Variants in RUFY2 observed in about 807,000 individuals in gnomAD.
RUFY2 encodes RUN and FYVE domain containing 2.
RUFY2 carries 49 observed loss-of-function variants against 94.4 expected under a neutral mutation model. The ratio of observed to expected loss-of-function variants is 0.52; its 90% CI spans 0.41 to 0.66. The LOEUF (loss-of-function observed/expected upper bound fraction) is 0.66. Among genes scored for constraint, RUFY2 ranks in the 30% least tolerant of loss-of-function variants. The pLI, the probability that RUFY2 is intolerant of heterozygous loss-of-function variation, is 0.00. For missense variants in RUFY2, 541 were observed against 692.8 expected (o/e 0.78, Z 2.46); for synonymous variants, 255 against 235.7 (o/e 1.08, Z -0.75).
At chr10:68,377,531 C>G in intron 12 of RUFY2, 1 of 971,536 alleles carries the variant, frequency 1.0e-6, no homozygotes, top group Non-Finnish European at 1.2e-6. Context: ...TGTGTGTGTG[C>G]ACGTGTGCAT....
intron 4 of RUFY2, among the ~76,000 whole-genome samples, chr10:68,394,820 G>A (rs973276932): frequency 4.6e-5 from 7 of 151,372 alleles, no homozygotes; most frequent in Non-Finnish European, 7.4e-5. Flanking sequence ...TAGTAGAGAC[G>A]GGGTTTCACC....
chr10:68,359,075 T>G (rs1564790139), intron 15 of RUFY2, among the ~76,000 whole-genome samples: 1 of 151,994 alleles, frequency 6.6e-6, no homozygotes, highest in Non-Finnish European at 1.5e-5. Flanking sequence ...CCAATAACCA[T>G]AATGTACAAG....
At chr10:68,359,993 T>C (rs1401790722) in intron 15 of RUFY2, among the ~76,000 whole-genome samples, 1 of 152,212 alleles carries the variant, frequency 6.6e-6, no homozygotes, top group East Asian at 1.9e-4. Flanking sequence ...ACCCGGCTAA[T>C]TTTTGTATTT....
rs148685245 is a variant in RUFY2 at position 68,385,566 on chromosome 10, C to T, written c.720+493G>A. ...TAGTGGAACAGTGGGAAGAGAGGGA[C>T]GGTATCATTTTAACAAGAATTTCTT... On this transcript the variant is annotated intron_variant, in intron 8 of 17. Transcript: ENST00000602465. Among the ~76,000 whole-genome samples the T allele has an allele frequency of 5.3e-5, 8 of 151,826 alleles. No individual in the cohort carries two copies. In the East Asian group the frequency reaches 7.7e-4, roughly 15 times the overall value.
At chr10:68,361,008 C>A (rs1356301277) in intron 15 of RUFY2, among the ~76,000 whole-genome samples, 1 of 151,820 alleles carries the variant, frequency 6.6e-6, no homozygotes, top group Non-Finnish European at 1.5e-5. Flanking sequence ...AGGGGCCGGG[C>A]GTGGTGGCTC....
At chr10:68,392,373 A>C (rs897112349) in intron 7 of RUFY2, among the ~76,000 whole-genome samples, 2 of 152,140 alleles carry the variant, frequency 1.3e-5, no homozygotes, top group Non-Finnish European at 2.9e-5. Flanking sequence ...GCTATTTTAC[A>C]TACAGGTCTC....
At position 68,387,385 on chromosome 10, in the gene RUFY2, GC is replaced by G. The variant is rs534090783; in HGVS notation, c.651-1258del. Among the ~76,000 whole-genome samples the G allele has an allele frequency of 3.8e-3, 576 of 152,144 alleles. 8 individuals carry two copies. Among genetic ancestry groups the G allele is most frequent in the African/African-American group, 0.013 (552 of 41,526 alleles). On this transcript the variant is annotated intron_variant, in intron 7 of 17. Transcript: ENST00000602465. ...AAAAAAAGAATGTTGTCCAAGGCCT[GC>G]TTGATACTACCATCTCAAAACCTTC... is the stretch of plus-strand genomic sequence containing the variant.
intron 6 of RUFY2, chr10:68,393,868 T>A (rs2050181448): frequency 8.7e-7 from 1 of 1,146,692 alleles, no homozygotes; most frequent in Admixed American, 4.0e-5. Flanking sequence ...AAGGTCCCAC[T>A]TCATACTATT....
chr10:68,396,686 T>C, intron 4 of RUFY2, 94 bp downstream of exon 4: 1 of 740,908 alleles, frequency 1.3e-6, no homozygotes, highest in South Asian at 1.9e-5. Flanking sequence ...TATTATATGT[T>C]ATATATCCTT....
chr10:68,405,364 T>A (rs1319102292), intron 1 of RUFY2: 1 of 524,820 alleles, frequency 1.9e-6, no homozygotes, highest in Non-Finnish European at 2.4e-6. Flanking sequence ...AAAATTTCCA[T>A]GACCACTCCA....
intron 7 of RUFY2, among the ~76,000 whole-genome samples, chr10:68,392,666 T>C (rs1037076918): frequency 4.6e-5 from 7 of 151,546 alleles, no homozygotes; most frequent in African/African-American, 1.7e-4. Flanking sequence ...TTCACGCCTG[T>C]AATCTCAGCA....
intron 7 of RUFY2, among the ~76,000 whole-genome samples, chr10:68,391,049 C>T (rs987914808): frequency 6.6e-6 from 1 of 151,834 alleles, no homozygotes; most frequent in Non-Finnish European, 1.5e-5. Context: ...ATTCTCCTGC[C>T]TCAGCCTCCC....
In RUFY2 at chr10:68,345,466, AAAC is replaced by A. The variant is rs1438369018; in HGVS notation, c.*299_*301del. ...CAAATTGACAGAATTCAGAAGAAAA[AAAC>A]AATCTGAAGCCTTATTTTTAAGGCC... On this transcript the variant is annotated 3_prime_UTR_variant, in exon 18 of 18. Coordinates refer to ENST00000602465, the MANE Select transcript of RUFY2 (RefSeq NM_001330103.2). 9.9e-6 allele frequency: 4 copies of A among 404,038 alleles called. No homozygotes were observed. The highest frequency in any genetic ancestry group is 1.3e-4 in the South Asian group (1 of 7,754). The allele number at this position is 404,038 out of a possible 1,614,324, so 25.0% of individuals were successfully genotyped here. A position where few individuals can be genotyped will look rare whatever the true frequency, so the allele number is the denominator to read the frequency against.
chr10:68,368,656 T>A (rs2048036235), intron 13 of RUFY2, among the ~76,000 whole-genome samples: 1 of 151,800 alleles, frequency 6.6e-6, no homozygotes, highest in Non-Finnish European at 1.5e-5. Context: ...CAAAACTCCA[T>A]CTCAAAACAA....
chr10:68,378,776 G>GATGTCAATAAAAGAATATTC (rs1349264242), intron 12 of RUFY2: 4 of 728,050 alleles, frequency 5.5e-6, no homozygotes, highest in African/African-American at 5.3e-5. Flanking sequence ...GAAGAAAGAG[G>GATGTCAATAAAAGAATATTC]ATGTCAATAA....
chr10:68,405,388 A>T (rs2051210484), intron 1 of RUFY2: 1 of 777,504 alleles, frequency 1.3e-6, no homozygotes, highest in African/African-American at 1.9e-5. Context: ...AAAGTTAATG[A>T]ATTATTCTCA....
At chr10:68,378,595 G>A in intron 12 of RUFY2, 2 of 1,611,070 alleles carry the variant, frequency 1.2e-6, no homozygotes, top group Admixed American at 1.7e-5. Context: ...GCTTGTACTG[G>A]TCCTGCGTGT....
intron 16 of RUFY2, among the ~76,000 whole-genome samples, chr10:68,347,438 C>T (rs2046365360): frequency 6.6e-6 from 1 of 152,042 alleles, no homozygotes; most frequent in African/African-American, 2.4e-5. Context: ...CACACGCCAC[C>T]ATGCCCGGCT....
At chr10:68,383,947 T>A (rs771092477) in intron 9 of RUFY2, 33 bp from the exon 10 acceptor site, 4 of 1,579,940 alleles carry the variant, frequency 2.5e-6, no homozygotes, top group Non-Finnish European at 3.5e-6. Context: ...CATTCTATAA[T>A]CACTACTATT....
Sources: gnomAD v4.1 joint callset for allele counts (sites outside exome capture counted in the v4.1 genomes callset) on GRCh38, gnomAD v4.1.1 for gene constraint, MANE v1.5 for transcripts, NCBI Gene and HGNC (gene_info 2026-07-23, HGNC 2026-07-21) for gene names.